Variants in CLN8 observed in about 807,000 individuals in gnomAD.
The protein encoded by CLN8 is CLN8 transmembrane ER and ERGIC protein.
A neutral mutation model predicts 15.7 loss-of-function variants in CLN8; 14 were observed. The observed-to-expected ratio is 0.89, with a 90% CI of 0.59 to 1.39. The LOEUF (loss-of-function observed/expected upper bound fraction) is 1.39. Among genes scored for constraint, CLN8 ranks in the 40% most tolerant of loss-of-function variants. The probability of loss-of-function intolerance (pLI) is 0.00; values close to 1 mark genes in which losing one functional copy is unlikely to be tolerated. For synonymous variants in CLN8, 188 were observed against 151.0 expected (o/e 1.25, Z -1.80); for missense variants, 415 against 364.0 (o/e 1.14, Z -1.14).
intron 2 of CLN8, among the ~76,000 whole-genome samples, chr8:1,776,116 C>T (rs551570779): frequency 1.3e-5 from 2 of 152,080 alleles, no homozygotes; most frequent in African/African-American, 4.8e-5. Flanking sequence ...ATTCTGGAAG[C>T]TGGAATCTGT....
intron 1 of CLN8, chr8:1,758,586 C>G (rs990873419): frequency 6.6e-6 from 1 of 152,202 alleles, no homozygotes; most frequent in African/African-American, 2.4e-5. Context: ...CAAAATTCGG[C>G]TTTGTCATTT....
At position 1,771,262 on chromosome 8, in the gene CLN8, C is replaced by A; in HGVS notation, c.208C>A (p.Arg70Ser). Reference protein sequence around the residue: ...EKVFWDLAATRAVFGVQSTAA... With the variant: ...EKVFWDLAATSAVFGVQSTAA... ...GGTCTTCTGGGACCTGGCGGCCACG[C>A]GTGCAGTCTTTGGTGTTCAGAGCAC... The change falls in exon 2 of 3, where the codon CGT (arginine) becomes AGT (serine). Residue 70 changes from arginine to serine, a missense_variant. Physicochemically the swap from Arg to Ser is moderately radical, Grantham distance 110 (BLOSUM62 -1). Transcript: ENST00000331222. The A allele has an allele frequency of 1.9e-6, 3 of 1,613,724 alleles. No homozygotes were observed. The highest frequency in any genetic ancestry group is 2.5e-6 in the Non-Finnish European group (3 of 1,179,696).
chr8:1,778,949 TA>T (rs1376321566), intron 2 of CLN8, among the ~76,000 whole-genome samples: 1 of 152,216 alleles, frequency 6.6e-6, no homozygotes, highest in Non-Finnish European at 1.5e-5. Context: ...GGCCTGCCTT[TA>T]ACATGCCCAG....
chr8:1,773,214 G>A (rs1363612150), intron 2 of CLN8, among the ~76,000 whole-genome samples: 1 of 152,152 alleles, frequency 6.6e-6, no homozygotes, highest in Admixed American at 6.5e-5. Context: ...GGCCCCAGAT[G>A]CGGACCCTCT....
intron 2 of CLN8, among the ~76,000 whole-genome samples, chr8:1,773,372 C>T (rs186631702): frequency 4.6e-5 from 7 of 152,162 alleles, no homozygotes; most frequent in East Asian, 1.9e-4. Context: ...CTGGTGAGTG[C>T]GTGGTTTGGG....
rs993387391 is a variant in CLN8, at chr8:1,782,601, G to T, written c.*2034G>T. The T allele has an allele frequency of 2.0e-5, 3 of 152,204 alleles. No homozygotes were observed. Among genetic ancestry groups the T allele is most frequent in the African/African-American group, 7.2e-5 (3 of 41,432 alleles). The allele number at this position is 152,204 out of a possible 1,614,324, so 9.4% of individuals were successfully genotyped here. A position where few individuals can be genotyped will look rare whatever the true frequency, so the allele number is the denominator to read the frequency against. ...TAACTGGAAACCTCACACCTGGCAG[G>T]CAGCACTCTCTGCAGCCGTGCCCTT... On this transcript the variant is annotated 3_prime_UTR_variant, in exon 3 of 3. Coordinates refer to ENST00000331222, the MANE Select transcript of CLN8 (RefSeq NM_018941.4).
chr8:1,755,170 C>G (rs928534403), upstream of CLN8, among the ~76,000 whole-genome samples: 1 of 152,154 alleles, frequency 6.6e-6, no homozygotes, highest in Non-Finnish European at 1.5e-5. Context: ...AAGAAGTGAC[C>G]CTTCTGGGAA....
upstream of CLN8, among the ~76,000 whole-genome samples, chr8:1,753,847 T>C (rs999211850): frequency 8.3e-4 from 126 of 151,766 alleles, no homozygotes; most frequent in African/African-American, 2.9e-3. Flanking sequence ...GATCGCGCCA[T>C]TGCACTCCAG....
chr8:1,757,728 G>C (rs1800705297), intron 1 of CLN8, among the ~76,000 whole-genome samples: 1 of 152,136 alleles, frequency 6.6e-6, no homozygotes, highest in Non-Finnish European at 1.5e-5. Flanking sequence ...CACCATGCTT[G>C]GGCACTTTTT....
intron 2 of CLN8, among the ~76,000 whole-genome samples, chr8:1,773,432 A>C (rs13281053): frequency 0.024 from 3,660 of 152,274 alleles, 75 homozygotes; most frequent in Middle Eastern, 0.051. Context: ...AGAACTTACC[A>C]AGGAAGAAGG....
rs1187429216 is a variant in CLN8 at position 1,783,791 on chromosome 8, C to A, written c.*3224C>A. ...TGAATGAAATGGGCACTGTTGATTC[C>A]ACTTCTGTCGAGGAGCTTCGGGGCT... On this transcript the variant is annotated 3_prime_UTR_variant, in exon 3 of 3. Coordinates refer to ENST00000331222, the MANE Select transcript of CLN8 (RefSeq NM_018941.4). 1.3e-5 allele frequency: 2 copies of A among 152,182 alleles called. No individual in the cohort carries two copies. The highest frequency in any genetic ancestry group is 4.8e-5 in the African/African-American group (2 of 41,430). 9.4% of individuals were successfully genotyped at this position (152,182 alleles called of 1,614,324 possible).
upstream of CLN8, chr8:1,763,310 G>C (rs1017271721): frequency 5.3e-5 from 6 of 113,196 alleles, no homozygotes; most frequent in Non-Finnish European, 9.4e-5. Flanking sequence ...CCATGCCGCC[G>C]CCCGCCATGG....
rs550765532 is a variant in CLN8 at position 1,772,275 on chromosome 8, G to A, written c.543+678G>A. On this transcript the variant is annotated intron_variant, in intron 2 of 2. Coordinates refer to ENST00000331222, the MANE Select transcript of CLN8 (RefSeq NM_018941.4). ...AGAAAAACTGAAGTAATATCTGTGCGTACACACATACCTTGCTTGCTTTTT... is the reference window on the plus strand; with the variant it reads ...AGAAAAACTGAAGTAATATCTGTGCATACACACATACCTTGCTTGCTTTTT... Among the ~76,000 whole-genome samples, 7 of 151,986 alleles carry A rather than the reference G, an allele frequency of 4.6e-5. No individual in the cohort carries two copies. The South Asian group carries it at 1.0e-3, about 23-fold the overall frequency.
chr8:1,768,111 T>C (rs1801141661), intron 1 of CLN8, among the ~76,000 whole-genome samples: 1 of 151,934 alleles, frequency 6.6e-6, no homozygotes. Flanking sequence ...GCCTGGCTGA[T>C]TTTTGTATTT....
At chr8:1,780,012 A>G in intron 2 of CLN8, 1 of 985,492 alleles carries the variant, frequency 1.0e-6, no homozygotes, top group Non-Finnish European at 1.2e-6. Context: ...CAAGAGGAGC[A>G]GGAAAACAGC....
At chr8:1,776,409 C>T (rs1001944361) in intron 2 of CLN8, among the ~76,000 whole-genome samples, 4 of 151,952 alleles carry the variant, frequency 2.6e-5, no homozygotes, top group African/African-American at 9.7e-5. Context: ...AAGGTGAAAT[C>T]TGTGAGGGTT....
At chr8:1,753,596 GA>G (rs1800602091), upstream of CLN8, among the ~76,000 whole-genome samples, 1 of 119,686 alleles carries the variant, frequency 8.4e-6, no homozygotes, top group African/African-American at 3.1e-5. Context: ...GAAAGAAAAA[GA>G]AAAAACAGGC....
At chr8:1,768,401 T>G (rs942868626) in intron 1 of CLN8, among the ~76,000 whole-genome samples, 5 of 152,174 alleles carry the variant, frequency 3.3e-5, no homozygotes, top group Non-Finnish European at 7.3e-5. Context: ...CCACTTCCAC[T>G]GAGGTGGATT....
rs753430388 is a variant in CLN8, at chr8:1,771,165, C to T, written c.111C>T (p.Gly37=). The change falls in exon 2 of 3, where the codon GGC becomes GGT. Residue 37 remains glycine, a synonymous_variant. Transcript: ENST00000331222. ...LMVAGFVFYL[G]VFVVCHQLSS... is the part of the protein sequence containing the mutation. ...TCGCTGGCTTTGTCTTCTACTTGGG[C>T]GTCTTTGTGGTCTGCCACCAGCTGT... 9 of 1,613,908 alleles carry T rather than the reference C, an allele frequency of 5.6e-6. No individual in the cohort carries two copies. The highest frequency in any genetic ancestry group is 1.6e-4 in the Middle Eastern group (1 of 6,084).
Sources: gnomAD v4.1 joint callset for allele counts (sites outside exome capture counted in the v4.1 genomes callset) on GRCh38, gnomAD v4.1.1 for gene constraint, MANE v1.5 for transcripts, NCBI Gene and HGNC (gene_info 2026-07-23, HGNC 2026-07-21) for gene names.